The following ZDHHC17 variants were observed in gnomAD, a reference collection of about 807,000 sequenced individuals.
ZDHHC17 encodes the protein zDHHC palmitoyltransferase 17, also known as palmitoyltransferase ZDHHC17.
A neutral mutation model predicts 90.3 loss-of-function variants in ZDHHC17; 40 were observed. That is an observed-to-expected ratio of 0.44 (90% CI 0.34 to 0.58). ZDHHC17 has a LOEUF of 0.58. Among genes scored for constraint, ZDHHC17 ranks in the 20% least tolerant of loss-of-function variants. The probability of loss-of-function intolerance (pLI) is 0.01; values close to 1 mark genes in which losing one functional copy is unlikely to be tolerated. For missense variants in ZDHHC17, 614 were observed against 780.8 expected (o/e 0.79, Z 2.55); for synonymous variants, 235 against 252.4 (o/e 0.93, Z 0.65).
At chr12:76,806,280 T>C (rs1952952676) in intron 3 of ZDHHC17, among the ~76,000 whole-genome samples, 1 of 152,052 alleles carries the variant, frequency 6.6e-6, no homozygotes, top group Non-Finnish European at 1.5e-5. Flanking sequence ...TTTTTGTTTT[T>C]GTTTTTGTTT....
At position 76,788,688 on chromosome 12, in the gene ZDHHC17, A is replaced by ATTTTTTTTTTTTTTTTTTTTTTT. The variant is rs763269507; in HGVS notation, c.94-8742_94-8720dup. Among the ~76,000 whole-genome samples, 15 of 98,666 alleles carry ATTTTTTTTTTTTTTTTTTTTTTT rather than the reference A, an allele frequency of 1.5e-4. 4 individuals are homozygous for ATTTTTTTTTTTTTTTTTTTTTTT. Among genetic ancestry groups the ATTTTTTTTTTTTTTTTTTTTTTT allele is most frequent in the South Asian group, 3.4e-4 (1 of 2,906 alleles). 64.7% of individuals were successfully genotyped at this position (98,666 alleles called of 152,430 possible). ...AAAATATATTTAAGTTGGAATCGCA[A>ATTTTTTTTTTTTTTTTTTTTTTT]TTTTTTTTTTTTTTTTTTTTTTTTT... On this transcript the variant is annotated intron_variant, in intron 1 of 16. Coordinates refer to ENST00000426126, the MANE Select transcript of ZDHHC17 (RefSeq NM_015336.4).
intron 5 of ZDHHC17, among the ~76,000 whole-genome samples, chr12:76,811,345 A>G (rs1302756283): frequency 1.3e-5 from 2 of 152,224 alleles, no homozygotes; most frequent in Non-Finnish European, 2.9e-5. Context: ...GTGGCCTTCC[A>G]TATTGCAGAA....
intron 1 of ZDHHC17, among the ~76,000 whole-genome samples, chr12:76,781,910 T>C (rs1418634652): frequency 6.6e-6 from 1 of 152,180 alleles, no homozygotes; most frequent in Non-Finnish European, 1.5e-5. Context: ...AAGTACTGTA[T>C]GATGTATTTG....
chr12:76,835,674 G>A (rs1380457548), intron 10 of ZDHHC17, among the ~76,000 whole-genome samples: 1 of 151,886 alleles, frequency 6.6e-6, no homozygotes, highest in Non-Finnish European at 1.5e-5. Flanking sequence ...GTAATCATAT[G>A]TATAAAGACT....
At chr12:76,812,189 G>T (rs566685132) in intron 5 of ZDHHC17, among the ~76,000 whole-genome samples, 14 of 152,258 alleles carry the variant, frequency 9.2e-5, no homozygotes, top group African/African-American at 3.1e-4. Flanking sequence ...CTTCCAATGT[G>T]CATTGCATCA....
chr12:76,804,519 C>T (rs879409979), intron 2 of ZDHHC17, among the ~76,000 whole-genome samples: 4 of 152,060 alleles, frequency 2.6e-5, no homozygotes, highest in African/African-American at 4.8e-5. Context: ...AGCCAGCCTG[C>T]GAATGTAACA....
intron 1 of ZDHHC17, among the ~76,000 whole-genome samples, chr12:76,780,643 C>T (rs1477046237): frequency 1.3e-5 from 2 of 152,146 alleles, no homozygotes; most frequent in African/African-American, 2.4e-5. Flanking sequence ...AACATGTGCC[C>T]CACTTTCCAA....
Position 76,805,333 on chromosome 12 carries a change from C to T in ZDHHC17, c.214C>T (p.Arg72Cys), listed in dbSNP as rs761629736. 3.1e-6 allele frequency: 5 copies of T among 1,599,702 alleles called. No homozygotes were observed. Among genetic ancestry groups the T allele is most frequent in the Non-Finnish European group, 4.3e-6 (5 of 1,171,846 alleles). ...CTTTTCTAGATATGGAATATATGAA[C>T]GCTGTCGAGAATTGGTGGAAGCAGG... is the stretch of plus-strand genomic sequence containing the variant. ...VKATQYGIYERCRELVEAGYD... is the reference protein window; with the variant it reads ...VKATQYGIYECCRELVEAGYD... Residue 72 changes from arginine to cysteine, a missense_variant, in exon 3 of 17, where the codon CGC (arginine) becomes TGC (cysteine). Transcript: ENST00000426126.
intron 1 of ZDHHC17, 90 bp downstream of exon 1, chr12:76,764,419 G>C (rs955924902): frequency 2.5e-5 from 32 of 1,282,006 alleles, no homozygotes; most frequent in Non-Finnish European, 3.3e-5. Context: ...GACGTGTGTG[G>C]GGTAGTGGGA....
Position 76,843,942 on chromosome 12 carries a change from A to G in ZDHHC17, c.1329+961A>G, listed in dbSNP as rs141771378. 451 of 152,244 alleles carry G rather than the reference A, an allele frequency of 3.0e-3. 6 individuals are homozygous for G. The highest frequency in any genetic ancestry group is 0.011 in the African/African-American group (438 of 41,580). The allele number at this position is 152,244 out of a possible 1,614,324, so 9.4% of individuals were successfully genotyped here. On this transcript the variant is annotated intron_variant, in intron 12 of 16. Coordinates refer to ENST00000426126, the MANE Select transcript of ZDHHC17 (RefSeq NM_015336.4). ...GAATATTCAAAATATATACAGCTTC[A>G]TGTTTGGTAGCAACTTTAGGATACC... is the stretch of plus-strand genomic sequence containing the variant.
At chr12:76,784,319 A>G (rs1316689225) in intron 1 of ZDHHC17, among the ~76,000 whole-genome samples, 4 of 152,248 alleles carry the variant, frequency 2.6e-5, no homozygotes, top group Non-Finnish European at 5.9e-5. Flanking sequence ...CTATCAGAGC[A>G]ACATGAATTC....
chr12:76,791,603 C>T (rs1952760427), intron 1 of ZDHHC17, among the ~76,000 whole-genome samples: 1 of 152,100 alleles, frequency 6.6e-6, no homozygotes, highest in South Asian at 2.1e-4. Flanking sequence ...ATTTGAAGGG[C>T]AAGTCCCTTC....
intron 7 of ZDHHC17, among the ~76,000 whole-genome samples, chr12:76,817,698 A>G (rs1470011244): frequency 6.6e-6 from 1 of 152,092 alleles, no homozygotes; most frequent in Non-Finnish European, 1.5e-5. Flanking sequence ...AATAATGAAG[A>G]CTTGTACTTC....
intron 10 of ZDHHC17, 109 bp downstream of exon 10, chr12:76,828,599 A>G: frequency 6.9e-6 from 6 of 874,124 alleles, no homozygotes; most frequent in Non-Finnish European, 8.5e-6. Context: ...AATACATTAA[A>G]ATAGTGTTCC....
At chr12:76,848,140 G>T in intron 14 of ZDHHC17, 93 bp from the exon 15 acceptor site, 1 of 1,330,112 alleles carries the variant, frequency 7.5e-7, no homozygotes. Context: ...TAGACTGTTT[G>T]ACTATGTTTT....
intron 1 of ZDHHC17, among the ~76,000 whole-genome samples, chr12:76,767,031 A>G (rs1024633519): frequency 4.6e-5 from 7 of 151,342 alleles, no homozygotes; most frequent in East Asian, 1.9e-4. Context: ...AAAAAAAAAA[A>G]AAAGAAAAGA....
rs148405667 is a variant in ZDHHC17 at position 76,833,574 on chromosome 12, C to T, written c.1141+5084C>T. ...TTGGGAGGCCGAGGCAGGCGGATCA[C>T]GAGGTCAGGAGACCGAGACCATCCT... On this transcript the variant is annotated intron_variant, in intron 10 of 16. Transcript: ENST00000426126. Among the ~76,000 whole-genome samples, 492 of 152,234 alleles carry T rather than the reference C, an allele frequency of 3.2e-3. 1 individual carries two copies. Among genetic ancestry groups the T allele is most frequent in the African/African-American group, 0.011 (468 of 41,544 alleles).
At chr12:76,833,619 CG>C in intron 10 of ZDHHC17, among the ~76,000 whole-genome samples, 1 of 151,376 alleles carries the variant, frequency 6.6e-6, no homozygotes, top group East Asian at 1.9e-4. Flanking sequence ...GGTGAAACCC[CG>C]TCTCTACTAA....
chr12:76,777,584 G>A (rs1456496835), intron 1 of ZDHHC17, among the ~76,000 whole-genome samples: 5 of 152,186 alleles, frequency 3.3e-5, no homozygotes, highest in Non-Finnish European at 7.3e-5. Context: ...GTTAATGTTT[G>A]TAAGAAACTG....
Sources: gnomAD v4.1 joint callset for allele counts (sites outside exome capture counted in the v4.1 genomes callset) on GRCh38, gnomAD v4.1.1 for gene constraint, MANE v1.5 for transcripts, NCBI Gene and HGNC (gene_info 2026-07-23, HGNC 2026-07-21) for gene names.